The following KIF2A variants were observed in gnomAD, a reference collection of about 807,000 sequenced individuals.
The protein encoded by KIF2A is kinesin family member 2A, also known as kinesin-like protein KIF2A.
A neutral mutation model predicts 100.2 loss-of-function variants in KIF2A; 22 were observed. The ratio of observed to expected loss-of-function variants is 0.22; its 90% CI spans 0.16 to 0.31. The LOEUF (loss-of-function observed/expected upper bound fraction) is 0.31, where lower values mean the gene tolerates loss of function less well. Among genes scored for constraint, KIF2A ranks in the 10% least tolerant of loss-of-function variants. The pLI, the probability that KIF2A is intolerant of heterozygous loss-of-function variation, is 1.00. For missense variants in KIF2A, 495 were observed against 898.7 expected (o/e 0.55, Z 5.74); for synonymous variants, 268 against 285.9 (o/e 0.94, Z 0.63).
intron 1 of KIF2A, among the ~76,000 whole-genome samples, chr5:62,327,496 CT>C (rs927542251): frequency 1.3e-5 from 2 of 152,180 alleles, no homozygotes; most frequent in African/African-American, 4.8e-5. Context: ...AATCCCCAAG[CT>C]TTTTTCTTCA....
At chr5:62,361,415 A>T in intron 10 of KIF2A, 51 bp from the exon 11 acceptor site, 1 of 1,433,414 alleles carries the variant, frequency 7.0e-7, no homozygotes, top group Non-Finnish European at 9.8e-7. Context: ...CTAAATTCTT[A>T]AGAGTTATTC....
intron 2 of KIF2A, 42 bp downstream of exon 2, chr5:62,347,266 A>T: frequency 9.8e-7 from 1 of 1,015,924 alleles, no homozygotes. Context: ...TCCTGCAATC[A>T]AGATTCTGAA....
chr5:62,319,181 C>CAAA (rs1745980027), intron 1 of KIF2A, among the ~76,000 whole-genome samples: 1 of 151,840 alleles, frequency 6.6e-6, no homozygotes, highest in African/African-American at 2.4e-5. Context: ...ACAACAACAA[C>CAAA]AACAACAAAA....
At chr5:62,367,791 C>G (rs565654289) in intron 16 of KIF2A, among the ~76,000 whole-genome samples, 1 of 152,088 alleles carries the variant, frequency 6.6e-6, no homozygotes, top group South Asian at 2.1e-4. Context: ...TCTTGAGTGA[C>G]TTTATTTACC....
chr5:62,339,825 A>G (rs1747192226), intron 1 of KIF2A, among the ~76,000 whole-genome samples: 1 of 151,644 alleles, frequency 6.6e-6, no homozygotes, highest in African/African-American at 2.4e-5. Context: ...CAATTTAAAG[A>G]GAAGTAAACT....
intron 1 of KIF2A, among the ~76,000 whole-genome samples, chr5:62,343,241 TC>T (rs1176155122): frequency 6.6e-6 from 1 of 152,190 alleles, no homozygotes; most frequent in Non-Finnish European, 1.5e-5. Context: ...CTTTTTTAAC[TC>T]CCTTTTGACT....
intron 1 of KIF2A, among the ~76,000 whole-genome samples, chr5:62,345,420 G>A (rs1216857484): frequency 6.6e-6 from 1 of 151,152 alleles, no homozygotes; most frequent in African/African-American, 2.4e-5. Context: ...GGTGGTGCAT[G>A]CCTGTAATCC....
chr5:62,318,316 C>T (rs1277736966), intron 1 of KIF2A, among the ~76,000 whole-genome samples: 2 of 152,112 alleles, frequency 1.3e-5, no homozygotes, highest in Non-Finnish European at 2.9e-5. Context: ...CTGCTGACCT[C>T]GTGATCCGCC....
At chr5:62,319,841 T>C (rs1472789715) in intron 1 of KIF2A, among the ~76,000 whole-genome samples, 1 of 152,170 alleles carries the variant, frequency 6.6e-6, no homozygotes, top group Non-Finnish European at 1.5e-5. Context: ...CTGTTTTGAA[T>C]AGCAATATAG....
At chr5:62,340,779 T>A (rs957975848) in intron 1 of KIF2A, among the ~76,000 whole-genome samples, 5 of 152,104 alleles carry the variant, frequency 3.3e-5, no homozygotes, top group African/African-American at 1.2e-4. Context: ...ATTGGATGTC[T>A]TTGTTAAAGA....
At chr5:62,354,940 G>A (rs1209775633) in intron 6 of KIF2A, among the ~76,000 whole-genome samples, 1 of 152,028 alleles carries the variant, frequency 6.6e-6, no homozygotes, top group African/African-American at 2.4e-5. Flanking sequence ...AATGCATACC[G>A]ACTAAGAGAA....
chr5:62,308,455 T>C (rs1010257580), intron 1 of KIF2A: 56 of 918,924 alleles, frequency 6.1e-5, no homozygotes, highest in Non-Finnish European at 8.6e-5. Context: ...CTCGCGTTCA[T>C]TGCAGCATTA....
chr5:62,352,969 T>C (rs1455268902), intron 5 of KIF2A: 2 of 428,766 alleles, frequency 4.7e-6, no homozygotes, highest in African/African-American at 2.1e-5. Context: ...AGATGATAAT[T>C]TGTCAGATGT....
intron 16 of KIF2A, among the ~76,000 whole-genome samples, chr5:62,368,501 G>C (rs1324856843): frequency 6.6e-6 from 1 of 152,082 alleles, no homozygotes; most frequent in Non-Finnish European, 1.5e-5. Flanking sequence ...ATAGGGCCAG[G>C]CGCGGTGGCT....
intron 20 of KIF2A, 47 bp downstream of exon 20, chr5:62,381,300 A>G (rs1167871994): frequency 3.2e-6 from 5 of 1,544,068 alleles, no homozygotes; most frequent in East Asian, 2.3e-5. Context: ...TGGTATTGGT[A>G]TGTATATTGG....
intron 1 of KIF2A, among the ~76,000 whole-genome samples, chr5:62,324,433 G>T (rs1746259832): frequency 6.6e-6 from 1 of 152,086 alleles, no homozygotes; most frequent in Admixed American, 6.6e-5. Context: ...AAAACCAGAG[G>T]TATTATACTA....
At chr5:62,355,018 G>C (rs1014465559) in intron 6 of KIF2A, 141 bp from the exon 7 acceptor site, 4 of 520,608 alleles carry the variant, frequency 7.7e-6, no homozygotes, top group African/African-American at 2.0e-5. Context: ...CCACAACTGT[G>C]AAACTATATA....
intron 1 of KIF2A, among the ~76,000 whole-genome samples, chr5:62,315,624 G>A (rs1745782476): frequency 1.3e-5 from 2 of 152,180 alleles, no homozygotes; most frequent in Non-Finnish European, 2.9e-5. Context: ...AACAGGCAGA[G>A]GGAGGATGAT....
chr5:62,357,379 C>T (rs1469257241), intron 7 of KIF2A, among the ~76,000 whole-genome samples: 4 of 152,162 alleles, frequency 2.6e-5, no homozygotes, highest in South Asian at 2.1e-4. Flanking sequence ...CCATCATGCC[C>T]GGCCTCCTCA....
Sources: allele counts gnomAD v4.1 joint callset (sites outside exome capture counted in the v4.1 genomes callset), GRCh38; gene constraint gnomAD v4.1.1; transcripts MANE v1.5; gene names NCBI Gene and HGNC (gene_info 2026-07-23, HGNC 2026-07-21).